GCNT1: variants seen among roughly 807,000 people sequenced by gnomAD.
The protein encoded by GCNT1 is beta-1,3-galactosyl-O-glycosyl-glycoprotein beta-1,6-N-acetylglucosaminyltransferase.
Under a neutral mutation model 26.2 loss-of-function variants are expected in GCNT1, and 16 were observed. That is an observed-to-expected ratio of 0.61 (90% CI 0.41 to 0.93). GCNT1 has a LOEUF of 0.93. Among genes scored for constraint, GCNT1 ranks in the 40% least tolerant of loss-of-function variants. The pLI is 0.00. For synonymous variants in GCNT1, 183 were observed against 190.8 expected, an observed-to-expected ratio of 0.96 and a Z score of 0.34; for missense variants, 477 against 526.7, an observed-to-expected ratio of 0.91 and a Z score of 0.92.
In GCNT1 at chr9:76,445,584, G is replaced by A. The variant is rs965968703; in HGVS notation, c.-290+3269G>A. On this transcript the variant is annotated intron_variant, in intron 1 of 2. Transcript: ENST00000442371. The stretch of plus-strand genomic sequence containing the variant: ...TGTATTTCTTTTTTGGTAGAGATGG[G>A]GTTTCAACATGTTGGCCAGGCTGGT... Among the ~76,000 whole-genome samples the A allele has an allele frequency of 6.0e-5, 9 of 150,716 alleles. No homozygotes were observed. In the East Asian group the frequency reaches 1.8e-3, roughly 30 times the overall value.
At chr9:76,400,985 A>T in the GCNT1 span, among the ~76,000 whole-genome samples, 1 of 152,236 alleles carries the variant, frequency 6.6e-6, no homozygotes, top group African/African-American at 2.4e-5. Context: ...AATAATCACC[A>T]TAGCACCTCA....
intron 1 of GCNT1, among the ~76,000 whole-genome samples, chr9:76,425,244 C>T (rs1427854792): frequency 5.3e-5 from 8 of 151,106 alleles, no homozygotes; most frequent in African/African-American, 1.7e-4. Context: ...TTTTTTCAGA[C>T]AGAGTTTCAC....
upstream of GCNT1, among the ~76,000 whole-genome samples, chr9:76,456,496 TACTC>T (rs949225626): frequency 5.3e-5 from 8 of 152,184 alleles, no homozygotes; most frequent in Non-Finnish European, 1.0e-4. Context: ...TTCCTGCAGT[TACTC>T]TCTCTCTGTT....
intron 2 of GCNT1, among the ~76,000 whole-genome samples, chr9:76,491,837 G>C (rs1417898859): frequency 6.6e-6 from 1 of 152,178 alleles, no homozygotes; most frequent in Non-Finnish European, 1.5e-5. Flanking sequence ...TGAAGCACCG[G>C]TCCCTCAAGG....
chr9:76,400,074 G>A, the GCNT1 span, among the ~76,000 whole-genome samples: 1 of 152,180 alleles, frequency 6.6e-6, no homozygotes, highest in Non-Finnish European at 1.5e-5. Flanking sequence ...TGGGGAAGTT[G>A]GAGGTCGGAG....
chr9:76,416,785 G>A (rs939011946), upstream of GCNT1, among the ~76,000 whole-genome samples: 2 of 152,266 alleles, frequency 1.3e-5, no homozygotes, highest in African/African-American at 2.4e-5. Flanking sequence ...CTGGCTGGGT[G>A]CAGTGGCTCA....
intron 2 of GCNT1, among the ~76,000 whole-genome samples, chr9:76,472,718 GTCTTTCTTT>G (rs1435309550): frequency 2.0e-5 from 3 of 148,038 alleles, no homozygotes; most frequent in Non-Finnish European, 3.0e-5. Context: ...AGAGAATCTT[GTCTTTCTTT>G]TCTTTTCTTT....
At chr9:76,437,169 C>T (rs1283165874), upstream of GCNT1, among the ~76,000 whole-genome samples, 1 of 151,894 alleles carries the variant, frequency 6.6e-6, no homozygotes, top group Non-Finnish European at 1.5e-5. Context: ...GAGAGATTGT[C>T]AGAAACATGT....
At chr9:76,461,047 T>C (rs1028155647) in intron 2 of GCNT1, among the ~76,000 whole-genome samples, 5 of 152,222 alleles carry the variant, frequency 3.3e-5, no homozygotes, top group African/African-American at 9.6e-5. Context: ...AAATCCACTT[T>C]ATCCACATGG....
chr9:76,454,102 TGAGTGC>T (rs1339865563), intron 1 of GCNT1, among the ~76,000 whole-genome samples: 10 of 152,080 alleles, frequency 6.6e-5, no homozygotes, highest in Non-Finnish European at 1.5e-5. Flanking sequence ...CAGTATCGGC[TGAGTGC>T]GGTGGCTCAT....
intron 1 of GCNT1, among the ~76,000 whole-genome samples, chr9:76,449,367 C>T (rs1823628039): frequency 6.6e-6 from 1 of 151,978 alleles, no homozygotes; most frequent in Non-Finnish European, 1.5e-5. Context: ...AAGAATGTGC[C>T]ACCTCAAAAC....
chr9:76,441,842 T>G (rs1823488388), exon 1 of GCNT1: 1 of 152,210 alleles, frequency 6.6e-6, no homozygotes, highest in Non-Finnish European at 1.5e-5. Flanking sequence ...AATCATCAGG[T>G]ATTCATTTCT....
chr9:76,448,015 C>T (rs1402826620), intron 1 of GCNT1, among the ~76,000 whole-genome samples: 1 of 152,186 alleles, frequency 6.6e-6, no homozygotes, highest in Non-Finnish European at 1.5e-5. Flanking sequence ...TCACTGAGTC[C>T]AGGAATACTT....
chr9:76,443,981 GGAAGGAAGGAAGA>G lies in GCNT1; in HGVS notation c.-290+1667_-290+1679del, dbSNP rs1823529212. Among the ~76,000 whole-genome samples, 11 of 122,288 alleles carry G rather than the reference GGAAGGAAGGAAGA, an allele frequency of 9.0e-5. No individual in the cohort carries two copies. In the South Asian group the frequency reaches 2.9e-3, roughly 32 times the overall value. The allele number at this position is 122,288 out of a possible 152,430, so 80.2% of individuals were successfully genotyped here. ...AGGAAGGAAGGAAGGAAGGAAGGAA[GGAAGGAAGGAAGA>G]AAAAAAGAGCCAGAAGCATTTGTTG... is the stretch of plus-strand genomic sequence containing the variant. On this transcript the variant is annotated intron_variant, in intron 1 of 2. Transcript: ENST00000442371.
intron 2 of GCNT1, among the ~76,000 whole-genome samples, chr9:76,470,012 T>C (rs898389059): frequency 6.6e-6 from 1 of 152,154 alleles, no homozygotes. Context: ...ATAGAATTTT[T>C]AAATAAACAT....
At position 76,505,472 on chromosome 9, in the gene GCNT1, G is replaced by A. The variant is rs911014361; in HGVS notation, c.*1804G>A. 1.8e-5 allele frequency: 3 copies of A among 167,048 alleles called. No homozygotes were observed. Among genetic ancestry groups the A allele is most frequent in the Non-Finnish European group, 4.4e-5 (3 of 68,142 alleles). 10.3% of individuals were successfully genotyped at this position (167,048 alleles called of 1,614,324 possible). ...AAACCAGTTTTGTCCTTTAATGCAT[G>A]TCAAATATTTCTCCCATGCTTCTCT... is the stretch of plus-strand genomic sequence containing the variant. On this transcript the variant is annotated 3_prime_UTR_variant, in exon 4 of 4. Transcript: ENST00000376730.
At position 76,503,379 on chromosome 9, in the gene GCNT1, C is replaced by G. The variant is rs145055844; in HGVS notation, c.998C>G (p.Pro333Arg). 3 of 1,614,132 alleles carry G rather than the reference C, an allele frequency of 1.9e-6. No homozygotes were observed. The highest frequency in any genetic ancestry group is 2.5e-6 in the Non-Finnish European group (3 of 1,180,030). ...WATIQRIPEV[P>R]GSLPASHKYD... ...ACCATCCAAAGGATTCCTGAAGTCCCGGGCTCACTCCCTGCCAGCCATAAG... is the reference window on the plus strand; with the variant it reads ...ACCATCCAAAGGATTCCTGAAGTCCGGGGCTCACTCCCTGCCAGCCATAAG... The change falls in exon 4 of 4, where the codon CCG becomes CGG. Residue 333 changes from proline (P) to arginine (R), a missense_variant. Transcript: ENST00000376730.
intron 2 of GCNT1, among the ~76,000 whole-genome samples, chr9:76,490,969 GACA>G (rs1824717998): frequency 1.3e-5 from 2 of 152,264 alleles, no homozygotes; most frequent in Admixed American, 1.3e-4. Flanking sequence ...TGTTTATACT[GACA>G]ACAAGGTGGT....
chr9:76,416,421 C>T (rs138084987), upstream of GCNT1, among the ~76,000 whole-genome samples: 149 of 152,320 alleles, frequency 9.8e-4, no homozygotes, highest in African/African-American at 3.2e-3. Context: ...AAAATGCTGT[C>T]GTGCTGACTC....
Sources: gnomAD v4.1 joint callset for allele counts (sites outside exome capture counted in the v4.1 genomes callset) on GRCh38, gnomAD v4.1.1 for gene constraint, MANE v1.5 for transcripts, NCBI Gene and HGNC (gene_info 2026-07-23, HGNC 2026-07-21) for gene names.